BOP1: variants seen among roughly 807,000 people sequenced by gnomAD.
BOP1 encodes the protein ribosome biogenesis protein BOP1.
A neutral mutation model predicts 82.9 loss-of-function variants in BOP1; 54 were observed. The ratio of observed to expected loss-of-function variants is 0.65; its 90% CI spans 0.52 to 0.82. The LOEUF (loss-of-function observed/expected upper bound fraction) is 0.82. Among genes scored for constraint, BOP1 ranks in the 40% least tolerant of loss-of-function variants. BOP1 has a pLI of 0.00. For missense variants in BOP1, 1,170 were observed against 1,072.0 expected (o/e 1.09, Z -1.28); for synonymous variants, 566 against 451.1 (o/e 1.25, Z -3.23).
chr8:144,288,290 G>T (rs1345348916), intron 2 of BOP1, among the ~76,000 whole-genome samples: 1 of 135,924 alleles, frequency 7.4e-6, no homozygotes, highest in African/African-American at 2.8e-5. Context: ...AAAAAAAATA[G>T]GCCGGGCGTG....
rs1039138279 is a variant in BOP1, at chr8:144,264,419, C to T, written c.784G>A (p.Ala262Thr). The T allele has an allele frequency of 1.1e-4, 170 of 1,602,740 alleles. 1 individual carries two copies. The South Asian group carries it at 1.2e-3, about 11-fold the overall frequency. The change falls in exon 7 of 16, where the codon GCC (alanine) becomes ACC (threonine). Residue 262 changes from alanine to threonine, a missense_variant. Coordinates refer to ENST00000569669, the MANE Select transcript of BOP1 (RefSeq NM_015201.5). ...EKEKVSRMVHAIKMGWIQPRR... is the reference protein window; with the variant it reads ...EKEKVSRMVHTIKMGWIQPRR... Reference sequence around the variant, plus strand: ...GGCTGGATCCAGCCCATCTTGATGGCGTGCACCATGCGAGAGACCTGCATA... The same window carrying T: ...GGCTGGATCCAGCCCATCTTGATGGTGTGCACCATGCGAGAGACCTGCATA...
Position 144,291,241 on chromosome 8 carries a change from G to C in BOP1, c.99+31C>G. 1 of 1,437,614 alleles carries C rather than the reference G, an allele frequency of 7.0e-7. No homozygotes were observed. Among genetic ancestry groups the C allele is most frequent in the Non-Finnish European group, 9.1e-7 (1 of 1,097,584 alleles). 89.1% of individuals were successfully genotyped at this position (1,437,614 alleles called of 1,614,324 possible). On this transcript the variant is annotated intron_variant, in intron 1 of 15. Transcript: ENST00000569669. This position sits in a 1 kb window ranked among gnomAD's most constrained non-coding sequence, Gnocchi z 4.1. ...CGTGCCCGCCGGGCCCTCTAGGGAC[G>C]CGCCCCGCCGCCCCGCATCGCCACA...
intron 2 of BOP1, among the ~76,000 whole-genome samples, chr8:144,284,775 A>G (rs1235521580): frequency 1.3e-5 from 2 of 152,202 alleles, no homozygotes; most frequent in Non-Finnish European, 2.9e-5. Flanking sequence ...AATTCTACAC[A>G]GTCCTTAGAA....
chr8:144,288,324 T>TC (rs1428356171), intron 2 of BOP1, among the ~76,000 whole-genome samples: 3 of 143,212 alleles, frequency 2.1e-5, no homozygotes, highest in Non-Finnish European at 4.5e-5. Flanking sequence ...GGTCAGGAAA[T>TC]CGAGACCAGC....
chr8:144,278,108 G>A (rs587726374), intron 2 of BOP1, among the ~76,000 whole-genome samples: 33 of 152,334 alleles, frequency 2.2e-4, no homozygotes, highest in South Asian at 6.2e-4. Context: ...GGTCGGGCCC[G>A]ATGGAGCACG....
At chr8:144,278,027 T>C (rs898912725) in intron 2 of BOP1, among the ~76,000 whole-genome samples, 28 of 152,314 alleles carry the variant, frequency 1.8e-4, no homozygotes, top group African/African-American at 6.5e-4. Flanking sequence ...GCCACGCCCA[T>C]GCCTGGAGTC....
chr8:144,270,375 AG>A (rs1450597329), intron 3 of BOP1, among the ~76,000 whole-genome samples: 6 of 152,138 alleles, frequency 3.9e-5, no homozygotes, highest in African/African-American at 1.4e-4. Context: ...GAAAGTGAAC[AG>A]GGAACAACGA....
chr8:144,268,270 C>G (rs1303141800), intron 3 of BOP1: 2 of 1,394,444 alleles, frequency 1.4e-6, no homozygotes, highest in African/African-American at 2.9e-5. Context: ...CCAGGCCAGC[C>G]CTGGCTGCGA....
intron 4 of BOP1, 25 bp from the exon 5 acceptor site, chr8:144,264,856 C>A (rs1845319428): frequency 6.2e-7 from 1 of 1,608,504 alleles, no homozygotes; most frequent in Non-Finnish European, 8.5e-7. Context: ...TCAGACCCCG[C>A]CAGCCCTGCC....
At chr8:144,276,926 C>T (rs1418005701) in intron 2 of BOP1, among the ~76,000 whole-genome samples, 2 of 152,246 alleles carry the variant, frequency 1.3e-5, no homozygotes, top group African/African-American at 2.4e-5. Flanking sequence ...CCACCCACCA[C>T]GTCCACAGCC....
chr8:144,265,074 G>A lies in BOP1; in HGVS notation c.391-3C>T. On this transcript the variant is annotated splice_polypyrimidine_tract_variant and splice_region_variant and intron_variant, in intron 3 of 15. Transcript: ENST00000569669. ...TTGCCCACCGTGTTCCGGATGTCCT[G>A]CAGCCGGGGGCCACCATGTCGGCAT... The A allele has an allele frequency of 1.9e-6, 3 of 1,606,920 alleles. No individual in the cohort carries two copies. The highest frequency in any genetic ancestry group is 3.3e-5 in the Admixed American group (2 of 59,824).
intron 3 of BOP1, chr8:144,266,703 C>T: frequency 8.1e-6 from 10 of 1,228,244 alleles, no homozygotes; most frequent in Middle Eastern, 6.9e-4. Flanking sequence ...ACCGCGGCAG[C>T]GACAGCTCGG....
chr8:144,264,853 C>T, intron 4 of BOP1, 22 bp from the exon 5 acceptor site: 1 of 1,608,682 alleles, frequency 6.2e-7, no homozygotes, highest in Non-Finnish European at 8.5e-7. Context: ...CAGTCAGACC[C>T]CGCCAGCCCT....
chr8:144,264,761 G>A lies in BOP1; in HGVS notation c.616C>T (p.Arg206Trp), dbSNP rs1056384755. 4.9e-5 allele frequency: 78 copies of A among 1,600,680 alleles called. No individual in the cohort carries two copies. Among genetic ancestry groups the A allele is most frequent in the East Asian group, 2.3e-4 (10 of 44,392 alleles). The change falls in exon 5 of 16, where the codon CGG (arginine) becomes TGG (tryptophan). Residue 206 changes from arginine to tryptophan, a missense_variant. By Grantham distance (101) the Arg-to-Trp change is moderately radical. Coordinates refer to ENST00000569669, the MANE Select transcript of BOP1 (RefSeq NM_015201.5). The stretch of plus-strand genomic sequence containing the variant: ...TCCCCAAACTGGCCACTCTGCAGCC[G>A]CCGCACCAGGGCCACCTGCTCATCC... ...LTDEQVALVRRLQSGQFGDVG... is the reference protein window; with the variant it reads ...LTDEQVALVRWLQSGQFGDVG...
chr8:144,271,204 G>A (rs587716809), intron 3 of BOP1, among the ~76,000 whole-genome samples: 4 of 152,194 alleles, frequency 2.6e-5, no homozygotes, highest in South Asian at 2.1e-4. Flanking sequence ...CTGATGTGTC[G>A]GCTGGGATTT....
chr8:144,268,355 G>C lies in BOP1; in HGVS notation c.391-3284C>G, dbSNP rs1021553585. ...TCTGCGCTGGCCCCAGCACCTGCCC[G>C]GGCCCACTGGAACTTTCTGCGCTGG... On this transcript the variant is annotated intron_variant, in intron 3 of 15. Transcript: ENST00000569669. 9.6e-5 allele frequency: 61 copies of C among 633,428 alleles called. No individual in the cohort carries two copies. The East Asian group carries it at 1.2e-3, about 12-fold the overall frequency. The allele number at this position is 633,428 out of a possible 1,614,324, so 39.2% of individuals were successfully genotyped here.
At chr8:144,266,711 C>T in intron 3 of BOP1, 1 of 1,194,264 alleles carries the variant, frequency 8.4e-7, no homozygotes, top group Non-Finnish European at 1.1e-6. Context: ...AGCGACAGCT[C>T]GGGCTCCGAC....
At chr8:144,271,631 T>C (rs1461934502) in intron 3 of BOP1, among the ~76,000 whole-genome samples, 3 of 152,048 alleles carry the variant, frequency 2.0e-5, no homozygotes, top group Non-Finnish European at 4.4e-5. Context: ...GCTCACCTGC[T>C]GCATCTCACC....
At chr8:144,287,789 T>A (rs1814923397) in intron 2 of BOP1, among the ~76,000 whole-genome samples, 1 of 152,140 alleles carries the variant, frequency 6.6e-6, no homozygotes, top group South Asian at 2.1e-4. Context: ...AAAGCCTGAA[T>A]TAAGTGTGAT....
Sources: allele counts gnomAD v4.1 joint callset (sites outside exome capture counted in the v4.1 genomes callset), GRCh38; gene constraint gnomAD v4.1.1; non-coding constraint Gnocchi (gnomAD v3.1); transcripts MANE v1.5; gene names NCBI Gene and HGNC (gene_info 2026-07-23, HGNC 2026-07-21).